Variants in METTL24 observed in about 807,000 individuals in gnomAD.
METTL24 encodes probable methyltransferase-like protein 24.
METTL24 carries 29 observed loss-of-function variants against 32.7 expected under a neutral mutation model. The observed-to-expected ratio is 0.89, with a 90% CI of 0.66 to 1.21. METTL24 has a LOEUF of 1.21. METTL24 is among the 50% of genes most tolerant of loss of function. The pLI, the probability that METTL24 is intolerant of heterozygous loss-of-function variation, is 0.00. For missense variants in METTL24, 439 were observed against 468.1 expected (o/e 0.94, Z 0.57); for synonymous variants, 163 against 179.5 (o/e 0.91, Z 0.73).
intron 3 of METTL24, among the ~76,000 whole-genome samples, chr6:110,300,646 C>A (rs995174572): frequency 6.6e-6 from 1 of 151,974 alleles, no homozygotes; most frequent in Non-Finnish European, 1.5e-5. Flanking sequence ...GTCTCGAACT[C>A]CTGACCTCAG....
In METTL24 at chr6:110,341,809, C is replaced by T. The variant is rs115616398; in HGVS notation, c.318+16146G>A. Among the ~76,000 whole-genome samples the T allele has an allele frequency of 6.8e-3, 1,041 of 152,292 alleles. 11 individuals carry two copies. Among genetic ancestry groups the T allele is most frequent in the African/African-American group, 0.024 (980 of 41,548 alleles). ...TTCTTGGTAGAATGGACATAACGTCCGTCTCACTCACAAGGCTATGATGAG... is the reference window on the plus strand; with the variant it reads ...TTCTTGGTAGAATGGACATAACGTCTGTCTCACTCACAAGGCTATGATGAG... On this transcript the variant is annotated intron_variant, in intron 1 of 4. Transcript: ENST00000338882.
chr6:110,246,025 G>A lies in METTL24; in HGVS notation c.1022C>T (p.Pro341Leu). 6.2e-7 allele frequency: 1 copy of A among 1,614,176 alleles called. No individual in the cohort carries two copies. The highest frequency in any genetic ancestry group is 1.1e-5 in the South Asian group (1 of 91,084). The change falls in exon 5 of 5, where the codon CCT (proline) becomes CTT (leucine). Residue 341 changes from proline to leucine, a missense_variant. Physicochemically the swap from Pro to Leu is moderately conservative, Grantham distance 98. Transcript: ENST00000338882. ...LFHSYKDLSK[P>L]QLFLKKDIFN... Reference sequence around the variant, plus strand: ...AATGTCTTTCTTCAAGAATAGCTGAGGTTTAGATAAGTCTTTGTAACTGTG... The same window carrying A: ...AATGTCTTTCTTCAAGAATAGCTGAAGTTTAGATAAGTCTTTGTAACTGTG...
chr6:110,353,067 G>A (rs181998470), intron 1 of METTL24, among the ~76,000 whole-genome samples: 2 of 152,150 alleles, frequency 1.3e-5, no homozygotes, highest in Non-Finnish European at 2.9e-5. Flanking sequence ...GGAACTACGG[G>A]GTTTGGAAAA....
At chr6:110,305,833 C>A (rs571384558) in intron 3 of METTL24, among the ~76,000 whole-genome samples, 1 of 152,092 alleles carries the variant, frequency 6.6e-6, no homozygotes, top group East Asian at 1.9e-4. Flanking sequence ...TGGGTAGATA[C>A]CCAAAGGATT....
intron 3 of METTL24, among the ~76,000 whole-genome samples, chr6:110,299,418 T>G (rs1256457338): frequency 6.6e-6 from 1 of 152,218 alleles, no homozygotes; most frequent in African/African-American, 2.4e-5. Context: ...AATTGTTTTT[T>G]TTTTAAGTGA....
chr6:110,284,783 T>C (rs910743686), intron 4 of METTL24, among the ~76,000 whole-genome samples: 18 of 152,152 alleles, frequency 1.2e-4, no homozygotes, highest in Non-Finnish European at 2.1e-4. Flanking sequence ...CTACTTATAC[T>C]ACAGTATAAT....
chr6:110,305,630 C>T (rs1424804579), intron 3 of METTL24, among the ~76,000 whole-genome samples: 2 of 151,832 alleles, frequency 1.3e-5, no homozygotes, highest in African/African-American at 4.9e-5. Flanking sequence ...AATGAGATGC[C>T]ATCTCATGCC....
At chr6:110,348,571 T>G (rs182742622) in intron 1 of METTL24, among the ~76,000 whole-genome samples, 3 of 152,156 alleles carry the variant, frequency 2.0e-5, no homozygotes, top group Non-Finnish European at 4.4e-5. Flanking sequence ...ACATGAAAAA[T>G]AAACTAAAAT....
At chr6:110,273,607 C>G (rs553730153) in intron 4 of METTL24, among the ~76,000 whole-genome samples, 1 of 151,980 alleles carries the variant, frequency 6.6e-6, no homozygotes, top group African/African-American at 2.4e-5. Context: ...AAATGGCCAA[C>G]AAACATATGC....
chr6:110,346,992 G>GTTTTC (rs1460459817), intron 1 of METTL24, among the ~76,000 whole-genome samples: 4 of 151,846 alleles, frequency 2.6e-5, no homozygotes, highest in Admixed American at 2.0e-4. Context: ...TTTCTGTTCA[G>GTTTTC]TTTTCTTTTT....
chr6:110,303,208 C>T (rs1196405883), intron 3 of METTL24, among the ~76,000 whole-genome samples: 2 of 152,146 alleles, frequency 1.3e-5, no homozygotes, highest in Non-Finnish European at 2.9e-5. Flanking sequence ...CACCAGAGCC[C>T]TGGGTTTCAA....
intron 1 of METTL24, among the ~76,000 whole-genome samples, chr6:110,350,570 G>A (rs576802573): frequency 5.4e-4 from 82 of 151,490 alleles, no homozygotes; most frequent in African/African-American, 1.4e-3. Flanking sequence ...TCTAAGTTTC[G>A]TTTGAGAACC....
chr6:110,278,464 A>G (rs144077762), intron 4 of METTL24, among the ~76,000 whole-genome samples: 1 of 152,298 alleles, frequency 6.6e-6, no homozygotes, highest in Non-Finnish European at 1.5e-5. Flanking sequence ...GAAATTTTAG[A>G]GCCTGGCTGT....
At chr6:110,263,236 A>G (rs1258803836) in intron 4 of METTL24, among the ~76,000 whole-genome samples, 3 of 152,206 alleles carry the variant, frequency 2.0e-5, no homozygotes, top group Admixed American at 2.0e-4. Context: ...ATCTCAGCCC[A>G]AAATCTCCTT....
intron 1 of METTL24, among the ~76,000 whole-genome samples, chr6:110,340,442 C>T (rs1032476506): frequency 2.0e-5 from 3 of 152,186 alleles, no homozygotes; most frequent in Non-Finnish European, 4.4e-5. Context: ...CCATCCCTGG[C>T]CATGTCTTAA....
intron 4 of METTL24, among the ~76,000 whole-genome samples, chr6:110,255,927 GA>G (rs560850769): frequency 1.3e-5 from 2 of 148,870 alleles, no homozygotes; most frequent in Admixed American, 6.7e-5. Context: ...AGAAAAGAAA[GA>G]AAAAAAAACA....
At chr6:110,272,731 A>AT (rs1770979485) in intron 4 of METTL24, among the ~76,000 whole-genome samples, 1 of 151,940 alleles carries the variant, frequency 6.6e-6, no homozygotes. Context: ...GTTGTTGAGT[A>AT]TTTTTTCATA....
At chr6:110,320,324 A>G (rs755033315) in intron 2 of METTL24, among the ~76,000 whole-genome samples, 6 of 152,152 alleles carry the variant, frequency 3.9e-5, no homozygotes, top group Admixed American at 1.3e-4. Flanking sequence ...CCAGTTTCGT[A>G]GGCTTTCATT....
At chr6:110,277,029 C>G (rs896831094) in intron 4 of METTL24, among the ~76,000 whole-genome samples, 3 of 152,124 alleles carry the variant, frequency 2.0e-5, no homozygotes, top group African/African-American at 7.2e-5. Context: ...GAAATGCACC[C>G]ATTCCAACAT....
Sources: gnomAD v4.1 joint callset for allele counts (sites outside exome capture counted in the v4.1 genomes callset) on GRCh38, gnomAD v4.1.1 for gene constraint, MANE v1.5 for transcripts, NCBI Gene and HGNC (gene_info 2026-07-23, HGNC 2026-07-21) for gene names.